BLTP2: variants seen among roughly 807,000 people sequenced by gnomAD.
BLTP2 encodes the protein bridge-like lipid transfer protein family member 2.
At chr17:28,620,577 G>A in the BLTP2 span, 1 of 1,614,060 alleles carries the variant, frequency 6.2e-7, no homozygotes, top group Non-Finnish European at 8.5e-7. Flanking sequence ...TACTGAGCTG[G>A]GTTGGTGGAA....
the BLTP2 span, chr17:28,644,930 C>G: frequency 6.9e-7 from 1 of 1,450,812 alleles, no homozygotes. Flanking sequence ...TTTCTTCCTC[C>G]TCTCCGCCCC....
chr17:28,641,599 C>A, the BLTP2 span, among the ~76,000 whole-genome samples: 1 of 151,690 alleles, frequency 6.6e-6, no homozygotes, highest in African/African-American at 2.4e-5. Flanking sequence ...CGAGATCACG[C>A]CATTGCACTC....
the BLTP2 span, chr17:28,616,420 G>A: frequency 1.9e-6 from 3 of 1,614,120 alleles, no homozygotes; most frequent in Non-Finnish European, 1.7e-6. The surrounding 1 kb of genome is among the most constrained non-coding windows in gnomAD (Gnocchi z 4.8). Context: ...CCAGAACTCC[G>A]AGTCAAACCC....
chr17:28,645,085 C>T, the BLTP2 span: 4 of 1,558,022 alleles, frequency 2.6e-6, no homozygotes, highest in Non-Finnish European at 2.6e-6. Flanking sequence ...CGGCTTGGCC[C>T]CGGCCCCCGC....
the BLTP2 span, chr17:28,644,183 G>A: frequency 1.9e-6 from 3 of 1,612,736 alleles, 1 homozygote; most frequent in Admixed American, 3.4e-5. Context: ...CGGACCACAA[G>A]CCACCTGCAG....
the BLTP2 span, chr17:28,634,229 G>A: frequency 5.3e-6 from 4 of 760,622 alleles, no homozygotes; most frequent in African/African-American, 7.0e-5. Context: ...GACACAGCAA[G>A]CTGAAAAATG....
chr17:28,633,444 A>G, the BLTP2 span: 4 of 1,587,178 alleles, frequency 2.5e-6, no homozygotes, highest in Non-Finnish European at 3.5e-6. Context: ...AGGTAAGAAA[A>G]CCATCCTCAT....
chr17:28,637,906 A>G, the BLTP2 span: 2 of 1,614,108 alleles, frequency 1.2e-6, no homozygotes, highest in African/African-American at 2.7e-5. Flanking sequence ...GTAATGACAC[A>G]GATTCCCCAA....
the BLTP2 span, among the ~76,000 whole-genome samples, chr17:28,629,848 C>T: frequency 6.6e-6 from 1 of 152,250 alleles, no homozygotes; most frequent in African/African-American, 2.4e-5. Context: ...CTCCTGACCT[C>T]GACTGATCCA....
the BLTP2 span, among the ~76,000 whole-genome samples, chr17:28,637,476 T>C: frequency 6.6e-6 from 1 of 152,212 alleles, no homozygotes; most frequent in South Asian, 2.1e-4. Flanking sequence ...TTTTCTTATA[T>C]GTCTTGCTTA....
At chr17:28,632,163 A>T in the BLTP2 span, 1 of 1,614,130 alleles carries the variant, frequency 6.2e-7, no homozygotes. Context: ...GCCTTGTGAC[A>T]CTTGTCCAAG....
chr17:28,644,312 C>A, the BLTP2 span: 4 of 1,022,010 alleles, frequency 3.9e-6, no homozygotes, highest in Non-Finnish European at 5.8e-6. Context: ...ACTCTCCTTT[C>A]TTCCAAAGCA....
the BLTP2 span, chr17:28,619,550 T>A: frequency 2.1e-6 from 3 of 1,398,370 alleles, no homozygotes; most frequent in Non-Finnish European, 3.0e-6. Context: ...ACATCAGCCT[T>A]TGATAATGCA....
the BLTP2 span, among the ~76,000 whole-genome samples, chr17:28,618,036 G>A: frequency 1.3e-5 from 2 of 149,010 alleles, no homozygotes; most frequent in African/African-American, 2.5e-5. Context: ...AGGTTCAAAC[G>A]ATTCTCCTGC....
At chr17:28,642,267 A>C in the BLTP2 span, 1 of 1,613,880 alleles carries the variant, frequency 6.2e-7, no homozygotes, top group East Asian at 2.2e-5. Flanking sequence ...TGATCATGGC[A>C]TACTTACCAG....
At chr17:28,635,119 G>A in the BLTP2 span, 1 of 1,613,956 alleles carries the variant, frequency 6.2e-7, no homozygotes. Flanking sequence ...CACCGAGACT[G>A]AGCCGAAAGA....
At chr17:28,644,847 C>A in the BLTP2 span, 3 of 693,826 alleles carry the variant, frequency 4.3e-6, no homozygotes, top group Non-Finnish European at 7.3e-6. Context: ...CTCCCCTCGC[C>A]GCGCGCCCCC....
the BLTP2 span, among the ~76,000 whole-genome samples, chr17:28,629,911 A>T: frequency 6.6e-6 from 1 of 151,962 alleles, no homozygotes; most frequent in East Asian, 2.0e-4. Context: ...CACTGCACCC[A>T]GCCTTAATGG....
chr17:28,644,091 G>A, the BLTP2 span: 5 of 1,614,090 alleles, frequency 3.1e-6, no homozygotes, highest in Non-Finnish European at 4.2e-6. Flanking sequence ...ACTTAAGACT[G>A]ACATTCTGGA....
Sources: allele counts gnomAD v4.1 joint callset (sites outside exome capture counted in the v4.1 genomes callset), GRCh38; gene constraint gnomAD v4.1.1; non-coding constraint Gnocchi (gnomAD v3.1); transcripts MANE v1.5; gene names NCBI Gene and HGNC (gene_info 2026-07-23, HGNC 2026-07-21).